ELF1: variants seen among roughly 807,000 people sequenced by gnomAD.
The protein encoded by ELF1 is E74 like ETS transcription factor 1.
ELF1 carries 24 observed loss-of-function variants against 59.9 expected under a neutral mutation model. The observed-to-expected ratio is 0.40, with a 90% CI of 0.29 to 0.56. The LOEUF is 0.56. Among genes scored for constraint, ELF1 ranks in the 20% least tolerant of loss-of-function variants. The pLI is 0.44. For synonymous variants in ELF1, 248 were observed against 266.2 expected, an observed-to-expected ratio of 0.93 and a Z score of 0.67; for missense variants, 627 against 742.2, an observed-to-expected ratio of 0.84 and a Z score of 1.80.
chr13:41,056,084 G>C lies in ELF1; in HGVS notation c.-229+4754C>G, dbSNP rs555966620. On this transcript the variant is annotated intron_variant, in intron 1 of 1. Coordinates refer to the ELF1 transcript ENST00000405737. ...CAACATTATTTAGTGCATTTATAGA[G>C]TTATAGAACTATCACTGTAATCTAT... Among the ~76,000 whole-genome samples the C allele has an allele frequency of 2.0e-5, 3 of 152,184 alleles. No individual in the cohort carries two copies. The South Asian group carries it at 6.2e-4, about 32-fold the overall frequency.
chr13:40,960,571 C>G (rs2138200616), intron 2 of ELF1, among the ~76,000 whole-genome samples: 1 of 152,256 alleles, frequency 6.6e-6, no homozygotes, highest in South Asian at 2.1e-4. Context: ...CTATTTGTCC[C>G]CCCATTGCTG....
At chr13:40,981,047 C>A (rs1873232639) in intron 2 of ELF1, among the ~76,000 whole-genome samples, 1 of 152,128 alleles carries the variant, frequency 6.6e-6, no homozygotes, top group Non-Finnish European at 1.5e-5. Flanking sequence ...TAAATTCACT[C>A]TGCCAAAAGT....
At chr13:41,008,754 T>C (rs879194876) in intron 1 of ELF1, among the ~76,000 whole-genome samples, 1 of 152,168 alleles carries the variant, frequency 6.6e-6, no homozygotes, top group African/African-American at 2.4e-5. Context: ...GAAGTGGCCA[T>C]TAAAATACAT....
intron 1 of ELF1, chr13:40,993,428 C>A (rs35073784): frequency 0.62 from 412,073 of 669,646 alleles, 135,809 homozygotes; most frequent in Non-Finnish European, 0.69. Context: ...TGTCCTCTAG[C>A]GGAGCCCGTT....
intron 1 of ELF1, among the ~76,000 whole-genome samples, chr13:41,005,222 G>T (rs747396001): frequency 6.6e-6 from 1 of 151,976 alleles, no homozygotes; most frequent in Non-Finnish European, 1.5e-5. Context: ...TTGGTCTTGG[G>T]ATCTAAGATT....
At chr13:41,058,299 C>T (rs1181466349) in intron 1 of ELF1, among the ~76,000 whole-genome samples, 1 of 152,184 alleles carries the variant, frequency 6.6e-6, no homozygotes, top group Non-Finnish European at 1.5e-5. Flanking sequence ...CCTGCCAAAC[C>T]GACTACTTGC....
upstream of ELF1, among the ~76,000 whole-genome samples, chr13:41,021,669 A>T (rs895620525): frequency 2.6e-5 from 4 of 152,208 alleles, no homozygotes; most frequent in African/African-American, 9.7e-5. Context: ...TACCACACAG[A>T]TTATGAGGAT....
intron 1 of ELF1, among the ~76,000 whole-genome samples, chr13:41,001,045 C>T (rs1851625457): frequency 2.3e-5 from 3 of 131,032 alleles, no homozygotes; most frequent in Admixed American, 2.3e-4. Flanking sequence ...GGTGTAGTCT[C>T]GGCTCACTGC....
intron 6 of ELF1, 123 bp downstream of exon 6, chr13:40,943,719 G>T: frequency 1.5e-6 from 1 of 686,632 alleles, no homozygotes; most frequent in Non-Finnish European, 2.2e-6. Flanking sequence ...TATCTAATAA[G>T]CATGTGGCAG....
chr13:40,958,909 C>T lies in ELF1; in HGVS notation c.180G>A (p.Met60Ile). The T allele has an allele frequency of 3.1e-6, 5 of 1,614,056 alleles. No homozygotes were observed. Among genetic ancestry groups the T allele is most frequent in the East Asian group, 2.2e-5 (1 of 44,874 alleles). The change falls in exon 3 of 9, where the codon ATG becomes ATA. Residue 60 changes from methionine to isoleucine, a missense_variant. This residue lies in a region of ELF1 where 232 missense variants were observed against 269.2 expected (regional missense o/e 0.86). Coordinates refer to ENST00000239882, the MANE Select transcript of ELF1 (RefSeq NM_172373.4). The part of the protein sequence containing the change: ...GLACVEEPND[M>I]ITESSLDVAE... ...CAACATCCAGTGAACTCTCAGTAAT[C>T]ATGTCATTGGGCTCTTCCACACAGG...
intron 2 of ELF1, among the ~76,000 whole-genome samples, chr13:40,978,094 T>C (rs553397504): frequency 2.6e-5 from 4 of 151,850 alleles, no homozygotes; most frequent in Non-Finnish European, 4.4e-5. Context: ...TAGAAGAAAA[T>C]GTAGGCCGGG....
At chr13:41,050,857 A>AT (rs936118727) in intron 1 of ELF1, among the ~76,000 whole-genome samples, 1 of 152,122 alleles carries the variant, frequency 6.6e-6, no homozygotes, top group Admixed American at 6.6e-5. Flanking sequence ...CCTCTTTCAG[A>AT]TTTTTTAGAA....
intron 1 of ELF1, among the ~76,000 whole-genome samples, chr13:41,042,904 T>C (rs1272365985): frequency 1.3e-5 from 2 of 152,220 alleles, no homozygotes; most frequent in Non-Finnish European, 2.9e-5. Context: ...ATGGTTGAAC[T>C]AGTTTACAGT....
chr13:40,994,810 A>G (rs1874048523), intron 1 of ELF1, among the ~76,000 whole-genome samples: 1 of 152,230 alleles, frequency 6.6e-6, no homozygotes, highest in African/African-American at 2.4e-5. Context: ...ACTTGCAAGT[A>G]AACTGTTTCA....
At chr13:40,938,523 G>A (rs1566164399) in intron 8 of ELF1, among the ~76,000 whole-genome samples, 1 of 152,194 alleles carries the variant, frequency 6.6e-6, no homozygotes, top group Non-Finnish European at 1.5e-5. Context: ...TAAACAGCTA[G>A]CATTAAAATA....
At chr13:41,036,672 C>T (rs1266043279) in intron 1 of ELF1, among the ~76,000 whole-genome samples, 2 of 152,126 alleles carry the variant, frequency 1.3e-5, no homozygotes, top group Non-Finnish European at 2.9e-5. Context: ...TATTGCGGCA[C>T]TATTCACGAT....
At chr13:41,024,052 T>C (rs1033266973), upstream of ELF1, among the ~76,000 whole-genome samples, 2 of 152,250 alleles carry the variant, frequency 1.3e-5, no homozygotes, top group Non-Finnish European at 1.5e-5. Context: ...GGTATGATTA[T>C]ATTCTTTATA....
chr13:41,039,956 C>T (rs1012772636), intron 1 of ELF1, among the ~76,000 whole-genome samples: 1 of 152,086 alleles, frequency 6.6e-6, no homozygotes, highest in Non-Finnish European at 1.5e-5. Context: ...TTCTCATAAC[C>T]TCAGAGCAGA....
intron 2 of ELF1, among the ~76,000 whole-genome samples, chr13:40,969,878 A>AT (rs5803075): frequency 0.98 from 148,931 of 151,978 alleles, 73,016 homozygotes; most frequent in East Asian, 1. Flanking sequence ...TAATTTTTAA[A>AT]TTTTTTGTAG....
Sources: gnomAD v4.1 joint callset for allele counts (sites outside exome capture counted in the v4.1 genomes callset) on GRCh38, gnomAD v4.1.1 for gene constraint, gnomAD v4.1.1 regional missense constraint, MANE v1.5 for transcripts, NCBI Gene and HGNC (gene_info 2026-07-23, HGNC 2026-07-21) for gene names.